GDF10: variants seen among roughly 807,000 people sequenced by gnomAD.
GDF10 encodes the protein growth differentiation factor 10.
In GDF10, 23 loss-of-function variants were observed where a neutral mutation model predicts 32.1. That is an observed-to-expected ratio of 0.72 (90% CI 0.52 to 1.02). The LOEUF (loss-of-function observed/expected upper bound fraction) is 1.02, where lower values mean the gene tolerates loss of function less well. GDF10 is among the 50% of genes least tolerant of loss of function. GDF10 has a pLI of 0.00. For synonymous variants in GDF10, 328 were observed against 303.1 expected, an observed-to-expected ratio of 1.08 and a Z score of -0.85; for missense variants, 764 against 673.9, an observed-to-expected ratio of 1.13 and a Z score of -1.48.
intron 2 of GDF10, among the ~76,000 whole-genome samples, chr10:47,311,482 A>G (rs1282926432): frequency 6.6e-6 from 1 of 152,222 alleles, no homozygotes; most frequent in Non-Finnish European, 1.5e-5. Flanking sequence ...CCCTCCAAGA[A>G]AAGAAAGTCA....
chr10:47,309,872 T>C lies in GDF10; in HGVS notation c.396T>C (p.Thr132=). The C allele has an allele frequency of 6.2e-7, 1 of 1,613,198 alleles. No homozygotes were observed. The highest frequency in any genetic ancestry group is 1.1e-5 in the South Asian group (1 of 91,072). The change falls in exon 2 of 3, where the codon ACT becomes ACC. Residue 132 remains threonine, a synonymous_variant. Transcript: ENST00000580279. Reference sequence around the variant, plus strand: ...ACTCGGAAATGATCCTTACGGCCACTTTCCACTTCTACTCAGAGCCGCCTC... The same window carrying C: ...ACTCGGAAATGATCCTTACGGCCACCTTCCACTTCTACTCAGAGCCGCCTC... The part of the protein sequence containing the change: ...MQDSEMILTA[T]FHFYSEPPRW...
intron 1 of GDF10, among the ~76,000 whole-genome samples, chr10:47,305,498 C>T (rs1243688263): frequency 6.6e-6 from 1 of 152,200 alleles, no homozygotes; most frequent in African/African-American, 2.4e-5. Flanking sequence ...CTGCTCTTCT[C>T]TGCAGCACCG....
chr10:47,304,937 A>G (rs1362010391), intron 1 of GDF10, among the ~76,000 whole-genome samples: 2 of 152,198 alleles, frequency 1.3e-5, no homozygotes, highest in Non-Finnish European at 2.9e-5. Flanking sequence ...TTCACTTCTA[A>G]TAGAGAATTT....
chr10:47,312,398 C>A (rs564352340), intron 2 of GDF10, among the ~76,000 whole-genome samples: 2 of 152,156 alleles, frequency 1.3e-5, no homozygotes, highest in Admixed American at 1.3e-4. Context: ...GACCTCAGCC[C>A]GGAACTCAGC....
chr10:47,305,276 G>A (rs1355029266), intron 1 of GDF10, among the ~76,000 whole-genome samples: 1 of 152,214 alleles, frequency 6.6e-6, no homozygotes, highest in Non-Finnish European at 1.5e-5. Context: ...GCCAGGCACA[G>A]TGCTGCTAGT....
In GDF10 at chr10:47,310,398, G is replaced by T; in HGVS notation, c.922G>T (p.Glu308Ter). ...LQDNELPGLD[E>*]RPPRAHAQHF... ...GGACAACGAGCTGCCGGGGCTGGAT[G>T]AGAGGCCGCCGCGCGCCCACGCACA... Residue 308 changes from glutamate to a stop codon, truncating the protein, a stop_gained, in exon 2 of 3, where the codon GAG (glutamate) becomes TAG (stop). Transcript: ENST00000580279. LOFTEE classifies it high-confidence loss of function. 1 of 1,609,898 alleles carries T rather than the reference G, an allele frequency of 6.2e-7. No homozygotes were observed. Among genetic ancestry groups the T allele is most frequent in the Non-Finnish European group, 8.5e-7 (1 of 1,178,916 alleles).
At chr10:47,306,438 ACTTCT>A (rs1162017869) in intron 1 of GDF10, among the ~76,000 whole-genome samples, 1 of 152,184 alleles carries the variant, frequency 6.6e-6, no homozygotes, top group Non-Finnish European at 1.5e-5. Flanking sequence ...AACAGACCAC[ACTTCT>A]CTTGTGCCCA....
chr10:47,306,403 A>G (rs1368870683), intron 1 of GDF10, among the ~76,000 whole-genome samples: 2 of 152,244 alleles, frequency 1.3e-5, no homozygotes, highest in African/African-American at 2.4e-5. Flanking sequence ...GAAGCATGCC[A>G]GGAACCCCCA....
In GDF10 at chr10:47,304,087, G is replaced by A. The variant is rs547354732; in HGVS notation, c.319+3117G>A. ...AGAGCCTCTGGGTGGGGCCAGGAAA[G>A]CCTTCCCAGAGCAGGCCAGGCCCCA... On this transcript the variant is annotated intron_variant, in intron 1 of 2. Coordinates refer to ENST00000580279, the MANE Select transcript of GDF10 (RefSeq NM_004962.5). 9.5e-4 allele frequency among the ~76,000 whole-genome samples: 145 copies of A among 152,334 alleles called. 2 individuals are homozygous for A. Among genetic ancestry groups the A allele is most frequent in the Admixed American group, 7.7e-3 (118 of 15,304 alleles).
Position 47,310,628 on chromosome 10 carries a change from C to T in GDF10, c.1152C>T (p.Asp384=). Residue 384 remains aspartate (D), a synonymous_variant, in exon 2 of 3, where the codon GAC becomes GAT. Transcript: ENST00000580279. ...RVCSRRYLKV[D]FADIGWNEWI... Reference sequence around the variant, plus strand: ...GCTCCCGGAGGTACCTGAAGGTGGACTTCGCAGACATCGGCTGGAATGAAT... The same window carrying T: ...GCTCCCGGAGGTACCTGAAGGTGGATTTCGCAGACATCGGCTGGAATGAAT... 1 of 1,614,066 alleles carries T rather than the reference C, an allele frequency of 6.2e-7. No homozygotes were observed. The highest frequency in any genetic ancestry group is 1.3e-5 in the African/African-American group (1 of 75,062).
chr10:47,310,290 G>T lies in GDF10; in HGVS notation c.814G>T (p.Gly272Ter), dbSNP rs782623944. Residue 272 changes from glycine to a stop codon, truncating the protein, a stop_gained, in exon 2 of 3, where the codon GGA (glycine) becomes TGA (stop). Coordinates refer to ENST00000580279, the MANE Select transcript of GDF10 (RefSeq NM_004962.5). LOFTEE classifies it high-confidence loss of function. ...TLQRYDPFPA[G>*]DPEPRAAPNN... ...GCAGAGATACGACCCCTTCCCTGCCGGAGACCCCGAGCCCCGCGCAGCCCC... is the reference window on the plus strand; with the variant it reads ...GCAGAGATACGACCCCTTCCCTGCCTGAGACCCCGAGCCCCGCGCAGCCCC... 1 of 1,608,306 alleles carries T rather than the reference G, an allele frequency of 6.2e-7. No homozygotes were observed. The highest frequency in any genetic ancestry group is 1.7e-5 in the Admixed American group (1 of 59,432).
chr10:47,305,865 A>G (rs1588843353), intron 1 of GDF10, among the ~76,000 whole-genome samples: 1 of 152,232 alleles, frequency 6.6e-6, no homozygotes, highest in East Asian at 1.9e-4. Flanking sequence ...TTCTCTTCTT[A>G]GGGAGTCAGA....
At chr10:47,306,847 G>T (rs2061024783) in intron 1 of GDF10, among the ~76,000 whole-genome samples, 1 of 152,158 alleles carries the variant, frequency 6.6e-6, no homozygotes, top group South Asian at 2.1e-4. Flanking sequence ...AAGAACGCCA[G>T]TGTGACGGGG....
Position 47,310,540 on chromosome 10 carries a change from T to A in GDF10, c.1064T>A (p.Leu355Gln). ...GTGTTCATGGCCGCCTCGCAGGTGC[T>A]GGACTTTGACGAGAAGACGATGCAG... ...QEVFMAASQVLDFDEKTMQKA... is the reference protein window; with the variant it reads ...QEVFMAASQVQDFDEKTMQKA... Residue 355 changes from leucine to glutamine, a missense_variant, in exon 2 of 3, where the codon CTG becomes CAG. Physicochemically the swap from Leu to Gln is moderately radical, Grantham distance 113. Transcript: ENST00000580279. The A allele has an allele frequency of 6.2e-7, 1 of 1,614,144 alleles. No homozygotes were observed. Among genetic ancestry groups the A allele is most frequent in the Non-Finnish European group, 8.5e-7 (1 of 1,179,970 alleles).
At chr10:47,307,123 G>A (rs1035449169) in intron 1 of GDF10, among the ~76,000 whole-genome samples, 7 of 151,906 alleles carry the variant, frequency 4.6e-5, no homozygotes, top group Non-Finnish European at 8.8e-5. Context: ...ACTCCTCCTG[G>A]GCAACTTTGT....
chr10:47,302,607 A>G (rs1160715416), intron 1 of GDF10, among the ~76,000 whole-genome samples: 1 of 152,174 alleles, frequency 6.6e-6, no homozygotes, highest in African/African-American at 2.4e-5. Flanking sequence ...CAGGTTATTA[A>G]TCTCAAAAAG....
At chr10:47,306,495 C>A (rs977730271) in intron 1 of GDF10, among the ~76,000 whole-genome samples, 3 of 152,248 alleles carry the variant, frequency 2.0e-5, no homozygotes, top group African/African-American at 7.2e-5. Flanking sequence ...CAACATGCAT[C>A]TCTGAGCTCC....
At chr10:47,301,730 C>A (rs2061005597) in intron 1 of GDF10, among the ~76,000 whole-genome samples, 2 of 152,168 alleles carry the variant, frequency 1.3e-5, no homozygotes, top group Non-Finnish European at 2.9e-5. Flanking sequence ...CAGCCAGGGC[C>A]ACAGGGGTGG....
intron 1 of GDF10, among the ~76,000 whole-genome samples, chr10:47,307,790 T>C (rs1234004360): frequency 2.0e-5 from 3 of 152,204 alleles, no homozygotes; most frequent in Non-Finnish European, 4.4e-5. Flanking sequence ...GTTGGCTGGG[T>C]TGCAGCTCAG....
Sources: gnomAD v4.1 joint callset for allele counts (sites outside exome capture counted in the v4.1 genomes callset) on GRCh38, gnomAD v4.1.1 for gene constraint, MANE v1.5 for transcripts, NCBI Gene and HGNC (gene_info 2026-07-23, HGNC 2026-07-21) for gene names.